CCDC73: variants seen among roughly 807,000 people sequenced by gnomAD.
CCDC73 encodes coiled-coil domain-containing protein 73.
A neutral mutation model predicts 116.5 loss-of-function variants in CCDC73; 95 were observed. The observed-to-expected ratio is 0.82, with a 90% CI of 0.69 to 0.97. CCDC73 has a LOEUF of 0.97. Ranked by LOEUF, CCDC73 falls within the 50% of genes least tolerant of loss-of-function variation. The pLI is 0.00. For synonymous variants in CCDC73, 398 were observed against 401.3 expected (o/e 0.99, Z 0.10); for missense variants, 1,066 against 1,206.8 (o/e 0.88, Z 1.73).
chr11:32,685,843 T>A (rs773154718), intron 6 of CCDC73, among the ~76,000 whole-genome samples: 2 of 147,160 alleles, frequency 1.4e-5, no homozygotes, highest in Non-Finnish European at 3.0e-5. Flanking sequence ...TGCCTCAGCC[T>A]CCCGAGTAGC....
chr11:32,782,390 C>G (rs1005271807), intron 1 of CCDC73, among the ~76,000 whole-genome samples: 7 of 152,082 alleles, frequency 4.6e-5, no homozygotes, highest in Non-Finnish European at 8.8e-5. Context: ...GGAATTTGAC[C>G]AGGCTAAGAG....
At chr11:32,606,860 G>C (rs1248138534) in intron 17 of CCDC73, among the ~76,000 whole-genome samples, 1 of 139,894 alleles carries the variant, frequency 7.1e-6, no homozygotes, top group African/African-American at 2.7e-5. Context: ...ACCCAGGCTG[G>C]AGTGCAGTGG....
intron 2 of CCDC73, among the ~76,000 whole-genome samples, chr11:32,754,878 CTTTTTTTT>C (rs34982926): frequency 0.011 from 926 of 86,578 alleles, 20 homozygotes; most frequent in African/African-American, 0.037. Flanking sequence ...ATGGCTTCAA[CTTTTTTTT>C]TTTTTTTTTT....
intron 1 of CCDC73, among the ~76,000 whole-genome samples, chr11:32,765,613 A>C (rs1418302506): frequency 6.6e-6 from 1 of 152,262 alleles, no homozygotes; most frequent in Admixed American, 6.5e-5. Context: ...CATTTAAAGC[A>C]GTGTGTAAAG....
chr11:32,718,191 T>C, intron 2 of CCDC73, 44 bp from the exon 3 acceptor site: 1 of 1,337,326 alleles, frequency 7.5e-7, no homozygotes. Flanking sequence ...AATAAAGACT[T>C]TAAAACTTCC....
intron 2 of CCDC73, among the ~76,000 whole-genome samples, chr11:32,727,622 G>A (rs984185238): frequency 3.3e-5 from 5 of 152,082 alleles, no homozygotes; most frequent in African/African-American, 7.2e-5. Context: ...CCCCAGGCTG[G>A]AGCGCAGTGG....
At chr11:32,762,641 G>T (rs978496914) in intron 1 of CCDC73, among the ~76,000 whole-genome samples, 1 of 152,124 alleles carries the variant, frequency 6.6e-6, no homozygotes, top group Admixed American at 6.6e-5. Flanking sequence ...AGAGGAGAAA[G>T]ATGGCCAAAT....
intron 3 of CCDC73, among the ~76,000 whole-genome samples, chr11:32,714,453 T>C (rs1457778019): frequency 6.6e-6 from 1 of 152,136 alleles, no homozygotes; most frequent in Non-Finnish European, 1.5e-5. Context: ...GCTTTTCTTC[T>C]ATATGACCAA....
upstream of CCDC73, among the ~76,000 whole-genome samples, chr11:32,795,571 C>G (rs960991595): frequency 6.6e-6 from 1 of 151,898 alleles, no homozygotes; most frequent in Non-Finnish European, 1.5e-5. Context: ...AAGCACCTAA[C>G]TAATGCTATG....
At chr11:32,644,349 C>T (rs541102635) in intron 12 of CCDC73, among the ~76,000 whole-genome samples, 1 of 151,964 alleles carries the variant, frequency 6.6e-6, no homozygotes, top group Non-Finnish European at 1.5e-5. Context: ...GGAGGGAGAT[C>T]AAAAAACTAC....
chr11:32,700,516 C>T (rs548060746), intron 5 of CCDC73, among the ~76,000 whole-genome samples: 25 of 152,154 alleles, frequency 1.6e-4, no homozygotes, highest in Non-Finnish European at 3.5e-4. Context: ...GTTCTAGTCC[C>T]AATTTTGCCA....
rs143744347 is a variant in CCDC73, at chr11:32,659,533, TA to T, written c.646-4562del. Among the ~76,000 whole-genome samples, 1,088 of 152,330 alleles carry T rather than the reference TA, an allele frequency of 7.1e-3. 16 individuals carry two copies. Among genetic ancestry groups the T allele is most frequent in the African/African-American group, 0.025 (1,049 of 41,582 alleles). On this transcript the variant is annotated intron_variant, in intron 9 of 17. Coordinates refer to ENST00000335185, the MANE Select transcript of CCDC73 (RefSeq NM_001008391.4). ...ATCAGGGAGTCAGAGGAATTTATTTTAAGAGTAGACGACCTTGGAAAAGTTA... is the reference window on the plus strand; with the variant it reads ...ATCAGGGAGTCAGAGGAATTTATTTTAGAGTAGACGACCTTGGAAAAGTTA...
chr11:32,614,586 T>G lies in CCDC73; in HGVS notation c.1732A>C (p.Ser578Arg), dbSNP rs1855457309. The G allele has an allele frequency of 1.2e-6, 2 of 1,610,950 alleles. No homozygotes were observed. Among genetic ancestry groups the G allele is most frequent in the Non-Finnish European group, 1.7e-6 (2 of 1,177,586 alleles). ...TTGTGTGCTGTCTCATTTAAAATAC[T>G]GTTAAATGATGTTTTGTTATTTTCA... is the stretch of plus-strand genomic sequence containing the variant. ...EVENNKTSFN[S>R]ILNETAHNTY... Residue 578 changes from serine (S) to arginine (R), a missense_variant, in exon 16 of 18, where the codon AGT becomes CGT. Coordinates refer to ENST00000335185, the MANE Select transcript of CCDC73 (RefSeq NM_001008391.4).
chr11:32,829,547 C>G, the CCDC73 span, among the ~76,000 whole-genome samples: 2 of 152,226 alleles, frequency 1.3e-5, no homozygotes, highest in African/African-American at 4.8e-5. Context: ...TCCTCGTCCC[C>G]GGACCACCCT....
Position 32,653,950 on chromosome 11 carries a change from G to A in CCDC73, c.834+28C>T, listed in dbSNP as rs775957665. 8.9e-6 allele frequency: 14 copies of A among 1,580,526 alleles called. No homozygotes were observed. In the South Asian group the frequency reaches 1.6e-4, roughly 19 times the overall value. On this transcript the variant is annotated intron_variant, in intron 11 of 17. Transcript: ENST00000335185. ...TTATCTGATTTTTAGAATATTTACT[G>A]GCTTCCAAATAGCTTATGATTGCTT...
chr11:32,738,838 AGATTT>A (rs1183837897), intron 2 of CCDC73, among the ~76,000 whole-genome samples: 1 of 152,058 alleles, frequency 6.6e-6, no homozygotes, highest in African/African-American at 2.4e-5. Context: ...TTGAGGTTTT[AGATTT>A]AAGTCTTTAG....
chr11:32,625,894 G>A (rs1408200810), intron 14 of CCDC73, among the ~76,000 whole-genome samples: 3 of 148,926 alleles, frequency 2.0e-5, no homozygotes, highest in East Asian at 1.9e-4. Context: ...GCAAAAACTG[G>A]AAGCATTCCC....
chr11:32,788,108 T>C (rs558556418), intron 1 of CCDC73, among the ~76,000 whole-genome samples: 38 of 152,348 alleles, frequency 2.5e-4, no homozygotes, highest in Non-Finnish European at 3.5e-4. Flanking sequence ...TGTATTCTCA[T>C]ACTGCCAGAT....
At chr11:32,823,804 A>G in the CCDC73 span, among the ~76,000 whole-genome samples, 3 of 152,118 alleles carry the variant, frequency 2.0e-5, no homozygotes, top group Admixed American at 6.5e-5. Flanking sequence ...CAGTGGTGCA[A>G]TCATAACTCA....
Sources: allele counts gnomAD v4.1 joint callset (sites outside exome capture counted in the v4.1 genomes callset), GRCh38; gene constraint gnomAD v4.1.1; transcripts MANE v1.5; gene names NCBI Gene and HGNC (gene_info 2026-07-23, HGNC 2026-07-21).